The following SPIDR variants were observed in gnomAD, a reference collection of about 807,000 sequenced individuals.
SPIDR encodes scaffold protein involved in DNA repair.
Under a neutral mutation model 104.6 loss-of-function variants are expected in SPIDR, and 93 were observed. That is an observed-to-expected ratio of 0.89 (90% CI 0.75 to 1.06). The LOEUF (loss-of-function observed/expected upper bound fraction) is 1.06. Ranked by LOEUF, SPIDR falls within the 50% of genes least tolerant of loss-of-function variation. SPIDR has a pLI of 0.00. For synonymous variants in SPIDR, 431 were observed against 416.9 expected (o/e 1.03, Z -0.41); for missense variants, 1,154 against 1,111.2 (o/e 1.04, Z -0.55).
intron 8 of SPIDR, among the ~76,000 whole-genome samples, chr8:47,482,312 A>G (rs782586780): frequency 2.0e-5 from 3 of 152,038 alleles, no homozygotes; most frequent in Admixed American, 6.6e-5. Flanking sequence ...GGGTGTGCCT[A>G]TAGTCCCAGC....
At chr8:47,360,066 G>A (rs1554628847) in intron 5 of SPIDR, among the ~76,000 whole-genome samples, 1 of 151,688 alleles carries the variant, frequency 6.6e-6, no homozygotes, top group East Asian at 1.9e-4. Context: ...CATGATGAAA[G>A]CCCATCTCTA....
chr8:47,591,925 A>G (rs1330277003), intron 8 of SPIDR, among the ~76,000 whole-genome samples: 2 of 152,230 alleles, frequency 1.3e-5, no homozygotes. Flanking sequence ...ACGTTTCACA[A>G]CAATCCAGAT....
intron 5 of SPIDR, among the ~76,000 whole-genome samples, chr8:47,362,650 GTTTGT>G (rs1414939303): frequency 6.8e-6 from 1 of 146,576 alleles, no homozygotes; most frequent in South Asian, 2.1e-4. Flanking sequence ...TTTTTTGTTG[GTTTGT>G]TTTGTTTTGT....
intron 8 of SPIDR, among the ~76,000 whole-genome samples, chr8:47,570,508 A>G (rs2058381958): frequency 6.6e-6 from 1 of 152,222 alleles, no homozygotes; most frequent in South Asian, 2.1e-4. Context: ...GTGGTGATGG[A>G]TTCTTAGGTA....
At chr8:47,343,341 G>T (rs1396140615) in intron 5 of SPIDR, among the ~76,000 whole-genome samples, 1 of 152,116 alleles carries the variant, frequency 6.6e-6, no homozygotes, top group Non-Finnish European at 1.5e-5. Flanking sequence ...CTCATTCCCA[G>T]TACCTAGCAT....
chr8:47,342,161 G>A (rs1474232209), intron 5 of SPIDR, among the ~76,000 whole-genome samples: 7 of 151,890 alleles, frequency 4.6e-5, no homozygotes, highest in African/African-American at 7.3e-5. Flanking sequence ...TTTGTTTATC[G>A]TCATATGGAA....
chr8:47,450,412 G>A (rs1389013643), intron 8 of SPIDR, among the ~76,000 whole-genome samples: 3 of 152,142 alleles, frequency 2.0e-5, no homozygotes, highest in Admixed American at 1.3e-4. Context: ...TAATTTATTA[G>A]GTCCCACCTC....
At chr8:47,689,375 C>G (rs1381343357) in intron 11 of SPIDR, among the ~76,000 whole-genome samples, 1 of 152,164 alleles carries the variant, frequency 6.6e-6, no homozygotes, top group Non-Finnish European at 1.5e-5. Flanking sequence ...CCAAGGGAAA[C>G]AGTGAAGTGT....
At chr8:47,629,475 A>G (rs960874018) in intron 10 of SPIDR, among the ~76,000 whole-genome samples, 4 of 152,232 alleles carry the variant, frequency 2.6e-5, no homozygotes, top group African/African-American at 9.6e-5. Flanking sequence ...ACAAAGGGCC[A>G]GGTGTGGTGG....
intron 8 of SPIDR, among the ~76,000 whole-genome samples, chr8:47,548,628 A>G (rs748545423): frequency 4.6e-5 from 7 of 152,244 alleles, no homozygotes; most frequent in Non-Finnish European, 7.3e-5. Flanking sequence ...GGCCTGGGCA[A>G]CAGAGCGGAA....
At chr8:47,469,482 A>G (rs1359081258) in intron 8 of SPIDR, among the ~76,000 whole-genome samples, 4 of 152,198 alleles carry the variant, frequency 2.6e-5, no homozygotes, top group South Asian at 2.1e-4. Flanking sequence ...ATGCCCATCA[A>G]CGGTAGACTG....
intron 8 of SPIDR, among the ~76,000 whole-genome samples, chr8:47,448,265 T>C (rs1171865959): frequency 6.6e-6 from 1 of 152,224 alleles, no homozygotes; most frequent in Non-Finnish European, 1.5e-5. Flanking sequence ...GAATAATGCT[T>C]GAAACATAGT....
intron 5 of SPIDR, among the ~76,000 whole-genome samples, chr8:47,316,258 C>T (rs192323567): frequency 6.6e-6 from 1 of 152,288 alleles, no homozygotes; most frequent in Non-Finnish European, 1.5e-5. Flanking sequence ...GGAGGTGCTG[C>T]TTTACTTGTC....
chr8:47,493,038 A>AGAGTGTGTGT (rs1491386619), intron 8 of SPIDR, among the ~76,000 whole-genome samples: 1 of 64,810 alleles, frequency 1.5e-5, no homozygotes, highest in Non-Finnish European at 2.9e-5. Context: ...AGAGAGAGAG[A>AGAGTGTGTGT]GTGAGTGTGT....
chr8:47,659,640 G>GC (rs540905525), intron 10 of SPIDR: 2 of 146,514 alleles, frequency 1.4e-5, no homozygotes, highest in South Asian at 6.1e-4. Context: ...CCCCGCCCTC[G>GC]CTCTGGCCCT....
At position 47,635,583 on chromosome 8, in the gene SPIDR, G is replaced by A. The variant is rs187931840; in HGVS notation, c.1544+36387G>A. ...AAAAAACAGATTGCCCTGGCCAGGC[G>A]CAGTGGCACCTGTAGTCCCATCTAT... is the stretch of plus-strand genomic sequence containing the variant. On this transcript the variant is annotated intron_variant, in intron 10 of 19. Transcript: ENST00000297423. Among the ~76,000 whole-genome samples the A allele has an allele frequency of 3.7e-3, 565 of 152,238 alleles. 4 individuals carry two copies. Among genetic ancestry groups the A allele is most frequent in the African/African-American group, 0.011 (444 of 41,552 alleles).
chr8:47,566,770 T>G (rs2154403806), intron 8 of SPIDR, among the ~76,000 whole-genome samples: 1 of 152,218 alleles, frequency 6.6e-6, no homozygotes, highest in Admixed American at 6.5e-5. Context: ...AGTACACAAA[T>G]CAAGGTTTCA....
chr8:47,588,352 A>G (rs1161314291), intron 8 of SPIDR, among the ~76,000 whole-genome samples: 1 of 150,366 alleles, frequency 6.7e-6, no homozygotes, highest in Non-Finnish European at 1.5e-5. Flanking sequence ...ACAATTTTAA[A>G]TGGTATGTTT....
chr8:47,408,789 G>A (rs1162129454), intron 7 of SPIDR, among the ~76,000 whole-genome samples: 3 of 152,250 alleles, frequency 2.0e-5, no homozygotes, highest in African/African-American at 7.2e-5. Flanking sequence ...AAAATCAATT[G>A]CATTTCCATA....
Sources: allele counts gnomAD v4.1 joint callset (sites outside exome capture counted in the v4.1 genomes callset), GRCh38; gene constraint gnomAD v4.1.1; transcripts MANE v1.5; gene names NCBI Gene and HGNC (gene_info 2026-07-23, HGNC 2026-07-21).